PSD3: variants seen among roughly 807,000 people sequenced by gnomAD.
The protein encoded by PSD3 is pleckstrin and Sec7 domain containing 3, also known as PH and SEC7 domain-containing protein 3.
Under a neutral mutation model 105.5 loss-of-function variants are expected in PSD3, and 49 were observed. That is an observed-to-expected ratio of 0.46 (90% CI 0.37 to 0.59). The LOEUF is 0.59. Among genes scored for constraint, PSD3 ranks in the 20% least tolerant of loss-of-function variants. PSD3 has a pLI of 0.00. For synonymous variants in PSD3, 557 were observed against 457.8 expected (o/e 1.22, Z -2.77); for missense variants, 1,561 against 1,263.8 (o/e 1.24, Z -3.57).
intron 4 of PSD3, among the ~76,000 whole-genome samples, chr8:18,866,892 A>T (rs1485598651): frequency 7.0e-6 from 1 of 143,152 alleles, no homozygotes; most frequent in South Asian, 2.1e-4. Context: ...ACATACATAC[A>T]TACACACACA....
intron 4 of PSD3, among the ~76,000 whole-genome samples, chr8:18,826,331 A>G (rs1172156576): frequency 6.6e-6 from 1 of 152,196 alleles, no homozygotes; most frequent in African/African-American, 2.4e-5. Flanking sequence ...CATGATAGAT[A>G]GATAGCACCT....
intron 9 of PSD3, among the ~76,000 whole-genome samples, chr8:18,754,903 T>C (rs1419575500): frequency 6.6e-6 from 1 of 152,148 alleles, no homozygotes; most frequent in East Asian, 1.9e-4. Context: ...GCTAAGTAAA[T>C]ACCATGTTCA....
rs79588876 is a variant in PSD3 at position 18,947,568 on chromosome 8, G to T, written c.22-11426C>A. Reference sequence around the variant, plus strand: ...GAGCGGCGGCCATATGGGGTGGCGGGGGGCCCAGAGCAGAGCCGCAGTGGC... The same window carrying T: ...GAGCGGCGGCCATATGGGGTGGCGGTGGGCCCAGAGCAGAGCCGCAGTGGC... On this transcript the variant is annotated intron_variant, in intron 1 of 15. Transcript: ENST00000327040. 2.2e-3 allele frequency among the ~76,000 whole-genome samples: 337 copies of T among 152,222 alleles called. 2 individuals are homozygous for T. Among genetic ancestry groups the T allele is most frequent in the African/African-American group, 7.7e-3 (321 of 41,544 alleles).
chr8:19,029,436 A>C (rs1827679738), intron 1 of PSD3, among the ~76,000 whole-genome samples: 1 of 152,212 alleles, frequency 6.6e-6, no homozygotes, highest in Admixed American at 6.5e-5. Context: ...TAAAGGAAAG[A>C]GGTTTCATTG....
chr8:18,849,619 G>A (rs1815405903), intron 4 of PSD3: 1 of 152,166 alleles, frequency 6.6e-6, no homozygotes, highest in South Asian at 2.1e-4. Context: ...ATGCTCCCAT[G>A]AGGCCAGATA....
chr8:18,915,727 C>A (rs1011187804), intron 2 of PSD3, among the ~76,000 whole-genome samples: 1 of 152,144 alleles, frequency 6.6e-6, no homozygotes, highest in African/African-American at 2.4e-5. Context: ...GATAAAGTAC[C>A]AGATGCTGGA....
At chr8:18,985,101 T>A (rs7000690) in intron 1 of PSD3, among the ~76,000 whole-genome samples, 12,387 of 152,220 alleles carry the variant, frequency 0.081, 567 homozygotes, top group East Asian at 0.15. Flanking sequence ...ACCCGGCTAA[T>A]TTTTATATTT....
chr8:18,918,812 C>T (rs1240074523), intron 2 of PSD3, among the ~76,000 whole-genome samples: 1 of 152,094 alleles, frequency 6.6e-6, no homozygotes, highest in East Asian at 1.9e-4. Context: ...TGGTCTTCTA[C>T]GTGGAGGGAG....
intron 1 of PSD3, among the ~76,000 whole-genome samples, chr8:18,992,208 T>C (rs1825842673): frequency 2.0e-5 from 3 of 152,120 alleles, no homozygotes; most frequent in Non-Finnish European, 2.9e-5. Flanking sequence ...TTAATCCCAA[T>C]TGTGTGCTGA....
At chr8:19,066,983 C>G (rs1484774649) in intron 1 of PSD3, among the ~76,000 whole-genome samples, 1 of 152,088 alleles carries the variant, frequency 6.6e-6, no homozygotes, top group African/African-American at 2.4e-5. Context: ...ATAAACACCT[C>G]AAAGAAAAGC....
At chr8:18,795,906 C>T (rs1028781013) in intron 8 of PSD3, among the ~76,000 whole-genome samples, 11 of 152,030 alleles carry the variant, frequency 7.2e-5, no homozygotes, top group Admixed American at 5.9e-4. Context: ...AAACTTAGTT[C>T]CAATATAGCA....
At chr8:18,722,856 ACT>A (rs1803088953) in intron 9 of PSD3, among the ~76,000 whole-genome samples, 1 of 152,012 alleles carries the variant, frequency 6.6e-6, no homozygotes, top group Non-Finnish European at 1.5e-5. Flanking sequence ...TGCCCTCCAA[ACT>A]CTAATTTTCT....
chr8:18,865,595 G>T (rs1816865744), intron 4 of PSD3, among the ~76,000 whole-genome samples: 1 of 151,940 alleles, frequency 6.6e-6, no homozygotes, highest in South Asian at 2.1e-4. Context: ...GGGGAGTCCT[G>T]CCAAGCTTGT....
At chr8:18,728,029 T>A (rs890295929) in intron 9 of PSD3, among the ~76,000 whole-genome samples, 1 of 151,940 alleles carries the variant, frequency 6.6e-6, no homozygotes, top group Non-Finnish European at 1.5e-5. Context: ...CCCTTAAATA[T>A]TTGCTGAATG....
chr8:18,795,259 C>T (rs1256107499), intron 8 of PSD3, among the ~76,000 whole-genome samples: 2 of 152,084 alleles, frequency 1.3e-5, no homozygotes, highest in Non-Finnish European at 2.9e-5. Flanking sequence ...ACTCAGACCA[C>T]AGGGCATGAT....
At chr8:18,622,884 T>C (rs77560766) in intron 11 of PSD3, among the ~76,000 whole-genome samples, 5,120 of 152,288 alleles carry the variant, frequency 0.034, 123 homozygotes, top group East Asian at 0.1. Context: ...TCTGTACTCT[T>C]ACAGGTTCAA....
chr8:18,654,926 G>A (rs1808779629), intron 10 of PSD3, among the ~76,000 whole-genome samples: 1 of 152,210 alleles, frequency 6.6e-6, no homozygotes, highest in African/African-American at 2.4e-5. Flanking sequence ...ATGATAGGAA[G>A]GAGATAATTA....
chr8:19,018,116 T>A (rs1481539611), upstream of PSD3, among the ~76,000 whole-genome samples: 1 of 152,212 alleles, frequency 6.6e-6, no homozygotes, highest in Non-Finnish European at 1.5e-5. Context: ...AGTGGTAGAT[T>A]GATTGTGTGA....
At chr8:19,042,908 C>T (rs762174035) in intron 1 of PSD3, among the ~76,000 whole-genome samples, 1 of 152,108 alleles carries the variant, frequency 6.6e-6, no homozygotes, top group South Asian at 2.1e-4. Flanking sequence ...CAACTTCCAT[C>T]GTTATAAAAT....
Sources: gnomAD v4.1 joint callset for allele counts (sites outside exome capture counted in the v4.1 genomes callset) on GRCh38, gnomAD v4.1.1 for gene constraint, MANE v1.5 for transcripts, NCBI Gene and HGNC (gene_info 2026-07-23, HGNC 2026-07-21) for gene names.